Variants in TTLL5 observed in about 807,000 individuals in gnomAD.
The protein encoded by TTLL5 is tubulin tyrosine ligase like 5.
Under a neutral mutation model 168.4 loss-of-function variants are expected in TTLL5, and 132 were observed. The observed-to-expected ratio is 0.78, with a 90% CI of 0.68 to 0.91. TTLL5 has a LOEUF of 0.91. Ranked by LOEUF, TTLL5 falls within the 40% of genes least tolerant of loss-of-function variation. The pLI is 0.00. For synonymous variants in TTLL5, 546 were observed against 558.6 expected (o/e 0.98, Z 0.32); for missense variants, 1,545 against 1,581.5 (o/e 0.98, Z 0.39).
chr14:75,713,154 A>C (rs1020599546), intron 9 of TTLL5, among the ~76,000 whole-genome samples: 1 of 152,264 alleles, frequency 6.6e-6, no homozygotes, highest in African/African-American at 2.4e-5. Context: ...CATGTGCTTT[A>C]TAACAATGGG....
At chr14:75,776,145 T>C (rs186869896) in intron 22 of TTLL5, among the ~76,000 whole-genome samples, 233 of 152,314 alleles carry the variant, frequency 1.5e-3, no homozygotes, top group African/African-American at 5.2e-3. Context: ...ATTAAAAATA[T>C]CATTTTGGGT....
chr14:75,817,830 C>CTTTTTTTTTTTTT (rs1045988787), intron 27 of TTLL5, among the ~76,000 whole-genome samples: 61 of 83,866 alleles, frequency 7.3e-4, no homozygotes, highest in African/African-American at 1.6e-3. Flanking sequence ...CTTTTCTTTT[C>CTTTTTTTTTTTTT]TTTTTTTTTT....
chr14:75,907,794 T>G (rs1316045108), intron 31 of TTLL5, among the ~76,000 whole-genome samples: 1 of 152,204 alleles, frequency 6.6e-6, no homozygotes, highest in Admixed American at 6.5e-5. Context: ...TGTCCAATGA[T>G]GAACAACTAA....
intron 28 of TTLL5, among the ~76,000 whole-genome samples, chr14:75,847,070 C>T (rs1254016800): frequency 6.6e-6 from 1 of 151,988 alleles, no homozygotes; most frequent in Non-Finnish European, 1.5e-5. Context: ...GGCACAATCT[C>T]AGCTCACTGC....
intron 31 of TTLL5, among the ~76,000 whole-genome samples, chr14:75,926,877 A>T (rs1490030705): frequency 6.6e-6 from 1 of 152,250 alleles, no homozygotes; most frequent in Non-Finnish European, 1.5e-5. Flanking sequence ...TCATAGCAAC[A>T]TTATTCATAA....
At chr14:75,687,169 A>G (rs1430641706) in intron 5 of TTLL5, among the ~76,000 whole-genome samples, 1 of 152,250 alleles carries the variant, frequency 6.6e-6, no homozygotes, top group Non-Finnish European at 1.5e-5. Context: ...TAAAACTTAT[A>G]GAAGAAAACA....
At chr14:75,953,525 AAAAGC>A (rs1225451691) in intron 31 of TTLL5, among the ~76,000 whole-genome samples, 3 of 152,186 alleles carry the variant, frequency 2.0e-5, no homozygotes, top group Non-Finnish European at 4.4e-5. Flanking sequence ...CTGTTTTTTT[AAAAGC>A]AAACAAGGGA....
chr14:75,693,974 C>T (rs1885643023), intron 6 of TTLL5, among the ~76,000 whole-genome samples: 1 of 152,168 alleles, frequency 6.6e-6, no homozygotes, highest in Admixed American at 6.5e-5. Flanking sequence ...AAGCAAATTA[C>T]CTCTAGAGTC....
chr14:75,911,477 G>A (rs990138785), intron 31 of TTLL5, among the ~76,000 whole-genome samples: 19 of 152,194 alleles, frequency 1.2e-4, no homozygotes, highest in African/African-American at 4.6e-4. Context: ...ATGAGGTGAA[G>A]AAAAAGCAGC....
intron 9 of TTLL5, 44 bp from the exon 10 acceptor site, chr14:75,717,817 T>C (rs1177820235): frequency 2.5e-6 from 4 of 1,582,330 alleles, no homozygotes; most frequent in Non-Finnish European, 3.5e-6. Context: ...CTGTATTTCC[T>C]TGAAACTCTG....
Position 75,707,689 on chromosome 14 carries a change from A to G in TTLL5, c.722A>G (p.Tyr241Cys), listed in dbSNP as rs1268833900. ...TSYDPLVIYL[Y>C]EEGLARFATV... ...TATGATCCTCTTGTCATCTATCTCT[A>G]TGAAGAAGGATTGGCTAGGTAAGAA... Residue 241 changes from tyrosine (Y) to cysteine (C), a missense_variant, in exon 9 of 32, where the codon TAT becomes TGT. Coordinates refer to ENST00000298832, the MANE Select transcript of TTLL5 (RefSeq NM_015072.5). The G allele has an allele frequency of 2.6e-6, 4 of 1,565,388 alleles. No homozygotes were observed. The highest frequency in any genetic ancestry group is 3.5e-6 in the Non-Finnish European group (4 of 1,149,326).
Position 75,954,601 on chromosome 14 carries a change from C to G in TTLL5, c.*155C>G. On this transcript the variant is annotated 3_prime_UTR_variant, in exon 32 of 32. Transcript: ENST00000298832. ...GAGCAGAAGTGGCAGTAGATGGTTGCCAATCAGCCAATGCAGACTTTCACT... is the reference window on the plus strand; with the variant it reads ...GAGCAGAAGTGGCAGTAGATGGTTGGCAATCAGCCAATGCAGACTTTCACT... The G allele has an allele frequency of 2.8e-6, 2 of 711,826 alleles. No homozygotes were observed. The highest frequency in any genetic ancestry group is 3.7e-5 in the South Asian group (2 of 54,664). The allele number at this position is 711,826 out of a possible 1,614,324, so 44.1% of individuals were successfully genotyped here.
chr14:75,867,732 C>G (rs1194653535), intron 29 of TTLL5, among the ~76,000 whole-genome samples: 1 of 150,576 alleles, frequency 6.6e-6, no homozygotes, highest in Non-Finnish European at 1.5e-5. Context: ...TCCACTGCAG[C>G]CTGAGTGACA....
At chr14:75,760,196 A>G (rs911099037) in intron 18 of TTLL5, among the ~76,000 whole-genome samples, 2 of 152,144 alleles carry the variant, frequency 1.3e-5, no homozygotes, top group Non-Finnish European at 2.9e-5. Context: ...TTAATGTACT[A>G]GTAGTAAATA....
At chr14:75,696,221 A>T (rs1193389478) in intron 6 of TTLL5, among the ~76,000 whole-genome samples, 1 of 152,116 alleles carries the variant, frequency 6.6e-6, no homozygotes, top group Non-Finnish European at 1.5e-5. Context: ...ACATTTCTGT[A>T]GAACCTTGTA....
intron 3 of TTLL5, among the ~76,000 whole-genome samples, chr14:75,674,893 TATC>T (rs1566809658): frequency 6.6e-6 from 1 of 152,058 alleles, no homozygotes; most frequent in Non-Finnish European, 1.5e-5. Context: ...TCCAGAATAT[TATC>T]ATTTCCACAT....
At chr14:75,753,198 T>G (rs1277387196) in intron 18 of TTLL5, among the ~76,000 whole-genome samples, 1 of 152,216 alleles carries the variant, frequency 6.6e-6, no homozygotes, top group Non-Finnish European at 1.5e-5. Flanking sequence ...TTTTAACAGA[T>G]GCCTTAAACT....
chr14:75,764,259 CAACTT>C (rs369215323), intron 18 of TTLL5, among the ~76,000 whole-genome samples: 10 of 152,244 alleles, frequency 6.6e-5, no homozygotes, highest in African/African-American at 1.7e-4. Context: ...TGCCACCACT[CAACTT>C]AAGAATTAAG....
intron 30 of TTLL5, among the ~76,000 whole-genome samples, chr14:75,899,276 TTTCCTAAAACACATGTA>T (rs1237618656): frequency 2.0e-5 from 3 of 152,200 alleles, no homozygotes; most frequent in Non-Finnish European, 4.4e-5. Flanking sequence ...AACGTAAATA[TTTCCTAAAACACATGTA>T]TTCCTAGGAA....
Sources: allele counts gnomAD v4.1 joint callset (sites outside exome capture counted in the v4.1 genomes callset), GRCh38; gene constraint gnomAD v4.1.1; transcripts MANE v1.5; gene names NCBI Gene and HGNC (gene_info 2026-07-23, HGNC 2026-07-21).